The following GID4 variants were observed in gnomAD, a reference collection of about 807,000 sequenced individuals.
GID4 encodes GID complex subunit 4 homolog, also known as glucose-induced degradation protein 4 homolog.
Under a neutral mutation model 32.4 loss-of-function variants are expected in GID4, and 7 were observed. That is an observed-to-expected ratio of 0.22 (90% CI 0.12 to 0.41). The LOEUF (loss-of-function observed/expected upper bound fraction) is 0.41. GID4 is among the 10% of genes least tolerant of loss of function. The pLI is 1.00. For missense variants in GID4, 309 were observed against 400.0 expected, an observed-to-expected ratio of 0.77 and a Z score of 1.94; for synonymous variants, 166 against 170.0, an observed-to-expected ratio of 0.98 and a Z score of 0.18.
rs1286897078 is a variant in GID4 at position 18,039,661 on chromosome 17, C to T, written c.197C>T (p.Ala66Val). 1.5e-6 allele frequency: 2 copies of T among 1,344,594 alleles called. No individual in the cohort carries two copies. The highest frequency in any genetic ancestry group is 1.9e-6 in the Non-Finnish European group (2 of 1,048,518). 83.3% of individuals were successfully genotyped at this position (1,344,594 alleles called of 1,614,324 possible). Residue 66 changes from alanine (A) to valine (V), a missense_variant, in exon 1 of 6, where the codon GCG becomes GTG. Ala to Val is a moderately conservative substitution (Grantham distance 64, BLOSUM62 0). This residue lies in a region of GID4 where 193 missense variants were observed against 185.8 expected (regional missense o/e 1.04). Coordinates refer to ENST00000268719, the MANE Select transcript of GID4 (RefSeq NM_024052.5). The surrounding 1 kb of genome is among the most constrained non-coding windows in gnomAD (Gnocchi z 5.3). ...LPATLLGSRA[A>V]AAVPLPLPPA... ...GCCACCCTCCTCGGCTCCCGCGCGGCGGCGGCGGTTCCTCTCCCACTCCCC... is the reference window on the plus strand; with the variant it reads ...GCCACCCTCCTCGGCTCCCGCGCGGTGGCGGCGGTTCCTCTCCCACTCCCC...
Position 18,061,195 on chromosome 17 carries a change from G to T in GID4, c.709-650G>T, listed in dbSNP as rs936458519. On this transcript the variant is annotated intron_variant, in intron 4 of 5. Transcript: ENST00000268719. This position sits in a 1 kb window ranked among gnomAD's most constrained non-coding sequence, Gnocchi z 4.4. ...CTTTAGTAGACCACCTGAGGCCCTG[G>T]AGCTTCTGACCTCATCTCTCTGGGA... 6.6e-6 allele frequency among the ~76,000 whole-genome samples: 1 copy of T among 152,212 alleles called. No homozygotes were observed. Among genetic ancestry groups the T allele is most frequent in the Non-Finnish European group, 1.5e-5 (1 of 68,038 alleles).
chr17:18,042,474 A>G (rs1388059756), intron 1 of GID4, among the ~76,000 whole-genome samples: 1 of 152,244 alleles, frequency 6.6e-6, no homozygotes, highest in African/African-American at 2.4e-5. Flanking sequence ...AATATGTATC[A>G]GCACTTATAT....
At position 18,061,951 on chromosome 17, in the gene GID4, A is replaced by G. The variant is rs2142153752; in HGVS notation, c.815A>G (p.Tyr272Cys). The change falls in exon 5 of 6, where the codon TAC becomes TGC. Residue 272 changes from tyrosine to cysteine, a missense_variant. By Grantham distance (194) the Tyr-to-Cys change is radical. Around this residue, in one of 2 missense-constraint regions of GID4, gnomAD observed 116 missense variants for 214.2 expected, o/e 0.54. Transcript: ENST00000268719. The surrounding 1 kb of genome is among the most constrained non-coding windows in gnomAD (Gnocchi z 4.4). ...AAGTCAGCAGCCTCCATAGAGGGCTACTACTACCATAGGAGTTCAGAATGG... is the reference window on the plus strand; with the variant it reads ...AAGTCAGCAGCCTCCATAGAGGGCTGCTACTACCATAGGAGTTCAGAATGG... ...FQKSAASIEG[Y>C]YYHRSSEWYQ... 1 of 1,613,838 alleles carries G rather than the reference A, an allele frequency of 6.2e-7. No individual in the cohort carries two copies. Among genetic ancestry groups the G allele is most frequent in the Non-Finnish European group, 8.5e-7 (1 of 1,179,956 alleles).
chr17:18,056,147 G>A (rs768723957), intron 3 of GID4, among the ~76,000 whole-genome samples: 1 of 152,168 alleles, frequency 6.6e-6, no homozygotes, highest in Non-Finnish European at 1.5e-5. Context: ...GAGCCACCAT[G>A]CCCAGCCCCA....
In GID4 at chr17:18,065,877, AGCTGTCAG is replaced by A. The variant is rs2045057726; in HGVS notation, c.*636_*643del. On this transcript the variant is annotated 3_prime_UTR_variant, in exon 6 of 6. Transcript: ENST00000268719. ...TGTTAACAGTGCAAAGCTAGTGAGT[AGCTGTCAG>A]GTTCCCTGGGCCTGCCATCAGGGAT... 1 of 152,476 alleles carries A rather than the reference AGCTGTCAG, an allele frequency of 6.6e-6. No homozygotes were observed. Among genetic ancestry groups the A allele is most frequent in the African/African-American group, 2.4e-5 (1 of 41,472 alleles). The allele number at this position is 152,476 out of a possible 1,614,324, so 9.4% of individuals were successfully genotyped here.
rs1324869933 is a variant in GID4, at chr17:18,039,410, G to C, written c.-55G>C. Reference sequence around the variant, plus strand: ...GAGCCAATCGGAAGGGGCGGGGTGTGTGTGTGTCTGTGTGTGTTTGTGTGT... The same window carrying C: ...GAGCCAATCGGAAGGGGCGGGGTGTCTGTGTGTCTGTGTGTGTTTGTGTGT... On this transcript the variant is annotated 5_prime_UTR_variant, in exon 1 of 6. Coordinates refer to ENST00000268719, the MANE Select transcript of GID4 (RefSeq NM_024052.5). This position sits in a 1 kb window ranked among gnomAD's most constrained non-coding sequence, Gnocchi z 5.3. The C allele has an allele frequency of 3.2e-6, 4 of 1,232,976 alleles. No homozygotes were observed. The highest frequency in any genetic ancestry group is 4.3e-6 in the Non-Finnish European group (4 of 920,640). 76.4% of individuals were successfully genotyped at this position (1,232,976 alleles called of 1,614,324 possible). A position where few individuals can be genotyped will look rare whatever the true frequency, so the allele number is the denominator to read the frequency against.
rs1421192688 is a variant in GID4 at position 18,065,968 on chromosome 17, A to G, written c.*725A>G. ...GAACAGATTCCAGTCCTGCTTACTC[A>G]GTACATTTGCTCCAAACTTTTCAAC... On this transcript the variant is annotated 3_prime_UTR_variant, in exon 6 of 6. Coordinates refer to ENST00000268719, the MANE Select transcript of GID4 (RefSeq NM_024052.5). 1 of 152,272 alleles carries G rather than the reference A, an allele frequency of 6.6e-6. No individual in the cohort carries two copies. Among genetic ancestry groups the G allele is most frequent in the Non-Finnish European group, 1.5e-5 (1 of 68,042 alleles). 9.4% of individuals were successfully genotyped at this position (152,272 alleles called of 1,614,324 possible). A position where few individuals can be genotyped will look rare whatever the true frequency, so the allele number is the denominator to read the frequency against.
chr17:18,061,565 AGATG>A lies in GID4; in HGVS notation c.709-279_709-276del, dbSNP rs2045017902. Among the ~76,000 whole-genome samples, 2 of 152,150 alleles carry A rather than the reference AGATG, an allele frequency of 1.3e-5. No individual in the cohort carries two copies. Among genetic ancestry groups the A allele is most frequent in the South Asian group, 4.1e-4 (2 of 4,826 alleles). ...GTGAGTAGGTATTGATTTATATATT[AGATG>A]TTTCGGCCATGGTACCTTCTCTGAA... On this transcript the variant is annotated intron_variant, in intron 4 of 5. Coordinates refer to ENST00000268719, the MANE Select transcript of GID4 (RefSeq NM_024052.5). The surrounding 1 kb of genome is among the most constrained non-coding windows in gnomAD (Gnocchi z 4.4).
intron 5 of GID4, 71 bp downstream of exon 5, chr17:18,062,046 A>G: frequency 6.9e-7 from 1 of 1,450,868 alleles, no homozygotes; most frequent in South Asian, 1.1e-5. Context: ...GGCTCATCAA[A>G]CCCAAAAGCA....
intron 4 of GID4, among the ~76,000 whole-genome samples, chr17:18,060,363 A>G (rs2045007784): frequency 7.2e-6 from 1 of 138,424 alleles, no homozygotes; most frequent in South Asian, 2.3e-4. Context: ...GCGCTACTGC[A>G]CTCCAGGCTG....
chr17:18,064,337 CT>C (rs1373931428), intron 5 of GID4, among the ~76,000 whole-genome samples: 6 of 152,222 alleles, frequency 3.9e-5, no homozygotes, highest in African/African-American at 1.4e-4. Context: ...GTTATCATGT[CT>C]CTATAATTAT....
intron 2 of GID4, among the ~76,000 whole-genome samples, chr17:18,052,920 A>G (rs1426961252): frequency 1.3e-5 from 2 of 151,884 alleles, no homozygotes; most frequent in Non-Finnish European, 2.9e-5. Flanking sequence ...CTATGTATCA[A>G]GGTATTCTAA....
chr17:18,039,911 C>T lies in GID4; in HGVS notation c.438+9C>T, dbSNP rs759576226. ...TAGAGGTGGTGCTGCAGGTGAGCGC[C>T]GGGCCGGGCCGGGGCCCGAGGGCCT... On this transcript the variant is annotated intron_variant, in intron 1 of 5. Transcript: ENST00000268719. This position sits in a 1 kb window ranked among gnomAD's most constrained non-coding sequence, Gnocchi z 5.3. 1 of 1,370,950 alleles carries T rather than the reference C, an allele frequency of 7.3e-7. No individual in the cohort carries two copies. The highest frequency in any genetic ancestry group is 1.9e-5 in the South Asian group (1 of 52,032). 84.9% of individuals were successfully genotyped at this position (1,370,950 alleles called of 1,614,324 possible).
intron 3 of GID4, among the ~76,000 whole-genome samples, chr17:18,057,963 G>C (rs982201163): frequency 1.3e-5 from 2 of 151,664 alleles, no homozygotes; most frequent in Non-Finnish European, 2.9e-5. Flanking sequence ...CTCCCAAGTA[G>C]CTGGGACTAC....
chr17:18,063,624 C>T (rs1272534494), intron 5 of GID4, among the ~76,000 whole-genome samples: 1 of 152,180 alleles, frequency 6.6e-6, no homozygotes, highest in Non-Finnish European at 1.5e-5. Context: ...ATGGAATCTA[C>T]AAAATACGGC....
intron 3 of GID4, among the ~76,000 whole-genome samples, chr17:18,056,059 TG>T (rs1275192059): frequency 6.6e-6 from 1 of 152,194 alleles, no homozygotes; most frequent in Admixed American, 6.5e-5. Flanking sequence ...TTCGCCATGT[TG>T]GCCAGGCTGG....
chr17:18,041,644 G>A (rs2044804800), intron 1 of GID4, among the ~76,000 whole-genome samples: 1 of 152,194 alleles, frequency 6.6e-6, no homozygotes, highest in Admixed American at 6.5e-5. Flanking sequence ...CTGGAGGTGA[G>A]ATCCCTGGGT....
chr17:18,058,867 G>A lies in GID4; in HGVS notation c.607-1G>A. 6.3e-7 allele frequency: 1 copy of A among 1,596,834 alleles called. No homozygotes were observed. The highest frequency in any genetic ancestry group is 8.6e-7 in the Non-Finnish European group (1 of 1,164,536). On this transcript the variant is annotated splice_acceptor_variant, in intron 3 of 5. Coordinates refer to ENST00000268719, the MANE Select transcript of GID4 (RefSeq NM_024052.5). LOFTEE classifies it high-confidence loss of function. ...CGGCACACTCTCTTTTCTGCTTTCA[G>A]GGCAAGTTTCTGGCTTTTTATCAGT...
chr17:18,040,027 C>G, intron 1 of GID4, 125 bp downstream of exon 1: 1 of 1,207,966 alleles, frequency 8.3e-7, no homozygotes, highest in Non-Finnish European at 1.0e-6. Context: ...CTGCACCCGG[C>G]GCTTCCCACC....
Sources: allele counts gnomAD v4.1 joint callset (sites outside exome capture counted in the v4.1 genomes callset), GRCh38; gene constraint gnomAD v4.1.1; regional missense constraint gnomAD v4.1.1; non-coding constraint Gnocchi (gnomAD v3.1); transcripts MANE v1.5; gene names NCBI Gene and HGNC (gene_info 2026-07-23, HGNC 2026-07-21).